The following ACO2 variants were observed in gnomAD, a reference collection of about 807,000 sequenced individuals.
ACO2 encodes aconitase 2, also known as aconitate hydratase, mitochondrial.
In ACO2, 31 loss-of-function variants were observed where a neutral mutation model predicts 84.5. The ratio of observed to expected loss-of-function variants is 0.37; its 90% CI spans 0.28 to 0.50. The LOEUF (loss-of-function observed/expected upper bound fraction) is 0.50, where lower values mean the gene tolerates loss of function less well. Among genes scored for constraint, ACO2 ranks in the 20% least tolerant of loss-of-function variants. The pLI is 0.97. For synonymous variants in ACO2, 414 were observed against 412.7 expected (o/e 1.00, Z -0.04); for missense variants, 685 against 1,029.3 (o/e 0.67, Z 4.58).
At chr22:41,484,042 A>G (rs2038120633) in intron 1 of ACO2, among the ~76,000 whole-genome samples, 1 of 152,156 alleles carries the variant, frequency 6.6e-6, no homozygotes, top group Non-Finnish European at 1.5e-5. Flanking sequence ...TGAATTTGTG[A>G]TAAGTACACC....
chr22:41,526,193 C>T (rs2066591784), intron 14 of ACO2, 69 bp from the exon 15 acceptor site: 1 of 1,472,920 alleles, frequency 6.8e-7, no homozygotes, highest in Non-Finnish European at 9.3e-7. Flanking sequence ...CTGCCTGCCT[C>T]TGGAGGGCTT....
Position 41,526,371 on chromosome 22 carries a change from T to G in ACO2, c.1871T>G (p.Ile624Ser). ...AACCTGCTCATTGGTGCCATCAACA[T>G]TGAAAACGGCAAGGCCAACTCCGTG... ...SNNLLIGAIN[I>S]ENGKANSVRN... Residue 624 changes from isoleucine (I) to serine (S), a missense_variant, in exon 15 of 18, where the codon ATT (isoleucine) becomes AGT (serine). Coordinates refer to ENST00000216254, the MANE Select transcript of ACO2 (RefSeq NM_001098.3). 6.2e-7 allele frequency: 1 copy of G among 1,613,846 alleles called. No individual in the cohort carries two copies. Among genetic ancestry groups the G allele is most frequent in the Non-Finnish European group, 8.5e-7 (1 of 1,180,040 alleles).
intron 2 of ACO2, 78 bp from the exon 3 acceptor site, chr22:41,507,713 T>C: frequency 6.5e-7 from 1 of 1,547,098 alleles, no homozygotes; most frequent in South Asian, 1.3e-5. Context: ...GGTTGCCACA[T>C]GGACTGAGAG....
chr22:41,509,489 A>T (rs2066418419), intron 3 of ACO2, among the ~76,000 whole-genome samples: 1 of 152,158 alleles, frequency 6.6e-6, no homozygotes, highest in African/African-American at 2.4e-5. Context: ...CTTGGTCAGT[A>T]TAAAAAAGAG....
rs770468299 is a variant in ACO2, at chr22:41,526,469, TA to T, written c.1953+17del. 5.0e-5 allele frequency: 81 copies of T among 1,605,250 alleles called. No individual in the cohort carries two copies. The highest frequency in any genetic ancestry group is 6.8e-5 in the Non-Finnish European group (80 of 1,174,342). ...CTACTACAAGGTGGGTCAGAGTTGA[TA>T]GGGGCAATGCCAGTGGTCACTCCTG... On this transcript the variant is annotated intron_variant, in intron 15 of 17. Coordinates refer to ENST00000216254, the MANE Select transcript of ACO2 (RefSeq NM_001098.3).
chr22:41,509,509 A>G (rs1156814492), intron 3 of ACO2, among the ~76,000 whole-genome samples: 2 of 152,182 alleles, frequency 1.3e-5, no homozygotes, highest in Admixed American at 1.3e-4. Flanking sequence ...GGTCTAATTT[A>G]GATGCTGGGG....
chr22:41,518,450 G>T (rs371085196), intron 7 of ACO2, 31 bp from the exon 8 acceptor site: 1 of 1,548,894 alleles, frequency 6.5e-7, no homozygotes, highest in South Asian at 1.1e-5. Flanking sequence ...TATGTTTCAC[G>T]TGCTCCATCC....
At chr22:41,511,805 G>T (rs1055328614) in intron 3 of ACO2, 71 bp from the exon 4 acceptor site, 29 of 1,139,558 alleles carry the variant, frequency 2.5e-5, no homozygotes, top group Non-Finnish European at 3.3e-5. Context: ...GATGGGGTGG[G>T]GAGGGCTTGG....
chr22:41,504,879 A>G (rs1466077914), intron 2 of ACO2, among the ~76,000 whole-genome samples: 3 of 151,546 alleles, frequency 2.0e-5, no homozygotes, highest in African/African-American at 2.4e-5. Flanking sequence ...ACATGCCACC[A>G]TGCCTGGCTT....
chr22:41,489,356 C>T (rs571944628), intron 1 of ACO2, among the ~76,000 whole-genome samples: 1 of 152,284 alleles, frequency 6.6e-6, no homozygotes, highest in East Asian at 1.9e-4. Flanking sequence ...AATAATAATA[C>T]TCTTAATAGT....
intron 1 of ACO2, among the ~76,000 whole-genome samples, chr22:41,475,805 G>A (rs2038006504): frequency 6.6e-6 from 1 of 151,836 alleles, no homozygotes; most frequent in Admixed American, 6.6e-5. Flanking sequence ...GGCTGAGGCA[G>A]GAGAATCAGC....
chr22:41,498,755 CT>C (rs2146105066), intron 1 of ACO2, among the ~76,000 whole-genome samples: 1 of 152,298 alleles, frequency 6.6e-6, no homozygotes, highest in Admixed American at 6.5e-5. Context: ...AATAGCATCC[CT>C]TGTCACATTC....
chr22:41,527,026 G>A (rs1269517046), intron 15 of ACO2: 2 of 559,108 alleles, frequency 3.6e-6, no homozygotes, highest in East Asian at 6.2e-5. Context: ...ACCTGCCTCT[G>A]CCAAGCACCA....
In ACO2 at chr22:41,515,580, G is replaced by T; in HGVS notation, c.684+45G>T. The T allele has an allele frequency of 6.3e-7, 1 of 1,585,322 alleles. No homozygotes were observed. The highest frequency in any genetic ancestry group is 8.6e-7 in the Non-Finnish European group (1 of 1,164,306). ...CATTCTGGGCTGGCTGTGGGGTGGT[G>T]GTTGGTGGGGATGAACGGGAGACGG... On this transcript the variant is annotated intron_variant, in intron 5 of 17. Coordinates refer to ENST00000216254, the MANE Select transcript of ACO2 (RefSeq NM_001098.3). The surrounding 1 kb of genome is among the most constrained non-coding windows in gnomAD (Gnocchi z 5.8).
intron 1 of ACO2, among the ~76,000 whole-genome samples, chr22:41,492,899 G>A (rs1180805737): frequency 6.6e-6 from 1 of 152,126 alleles, no homozygotes; most frequent in Admixed American, 6.5e-5. Flanking sequence ...AGACGAGATA[G>A]CGCCACTGTA....
At position 41,478,231 on chromosome 22, in the gene ACO2, G is replaced by A. The variant is rs187943972; in HGVS notation, c.36+9049G>A. Among the ~76,000 whole-genome samples, 664 of 152,148 alleles carry A rather than the reference G, an allele frequency of 4.4e-3. 6 individuals carry two copies. Among genetic ancestry groups the A allele is most frequent in the African/African-American group, 0.015 (627 of 41,518 alleles). ...GATCTCACTGCAACCTCCACCTCCT[G>A]GGTTCAAGCAGTTCTTTTGCCCCAG... On this transcript the variant is annotated intron_variant, in intron 1 of 17. Transcript: ENST00000216254.
chr22:41,491,882 C>G (rs1429494328), intron 1 of ACO2, among the ~76,000 whole-genome samples: 1 of 152,176 alleles, frequency 6.6e-6, no homozygotes, highest in African/African-American at 2.4e-5. Context: ...GTTGGGCAAT[C>G]TGACTATAGT....
intron 14 of ACO2, chr22:41,525,925 T>C (rs1267654590): frequency 3.9e-6 from 1 of 258,798 alleles, no homozygotes; most frequent in African/African-American, 2.2e-5. Context: ...AGGCATGTCC[T>C]GGGCTCCTGT....
intron 1 of ACO2, among the ~76,000 whole-genome samples, chr22:41,474,580 A>T (rs947040140): frequency 7.7e-6 from 1 of 129,330 alleles, no homozygotes; most frequent in Non-Finnish European, 1.6e-5. Flanking sequence ...GGCGTGAGCC[A>T]CTGCGCCTAG....
Sources: gnomAD v4.1 joint callset for allele counts (sites outside exome capture counted in the v4.1 genomes callset) on GRCh38, gnomAD v4.1.1 for gene constraint, Gnocchi (gnomAD v3.1) non-coding constraint, MANE v1.5 for transcripts, NCBI Gene and HGNC (gene_info 2026-07-23, HGNC 2026-07-21) for gene names.